Variants in EYA2 observed in about 807,000 individuals in gnomAD.
EYA2 encodes EYA transcriptional coactivator and phosphatase 2.
A neutral mutation model predicts 69.2 loss-of-function variants in EYA2; 31 were observed. The ratio of observed to expected loss-of-function variants is 0.45; its 90% CI spans 0.34 to 0.60. The LOEUF (loss-of-function observed/expected upper bound fraction) is 0.60, where lower values mean the gene tolerates loss of function less well. Ranked by LOEUF, EYA2 falls within the 20% of genes least tolerant of loss-of-function variation. The probability of loss-of-function intolerance (pLI) is 0.02; values close to 1 mark genes in which losing one functional copy is unlikely to be tolerated. For missense variants in EYA2, 622 were observed against 701.2 expected (o/e 0.89, Z 1.28); for synonymous variants, 257 against 279.4 (o/e 0.92, Z 0.80).
chr20:47,018,970 A>C (rs1983584157), intron 5 of EYA2, among the ~76,000 whole-genome samples: 1 of 152,222 alleles, frequency 6.6e-6, no homozygotes, highest in Admixed American at 6.5e-5. Flanking sequence ...TAATCTCCCC[A>C]GTAGCCCCGT....
At chr20:47,073,493 G>A (rs34596633) in intron 6 of EYA2, among the ~76,000 whole-genome samples, 53,552 of 148,236 alleles carry the variant, frequency 0.36, 10,466 homozygotes, top group African/African-American at 0.54. Context: ...TGTGTGTGTC[G>A]TGGGGGGGGG....
chr20:46,900,857 C>T (rs1984066095), intron 1 of EYA2, among the ~76,000 whole-genome samples: 2 of 152,030 alleles, frequency 1.3e-5, no homozygotes, highest in East Asian at 1.9e-4. Flanking sequence ...TGAGAAAACA[C>T]GGGGAATTCT....
At chr20:47,071,885 G>A in intron 5 of EYA2, 1 of 361,282 alleles carries the variant, frequency 2.8e-6, no homozygotes, top group Admixed American at 3.8e-5. Context: ...GACAGAGGAA[G>A]ATCCAGAGAC....
intron 2 of EYA2, among the ~76,000 whole-genome samples, chr20:46,994,253 G>C (rs1257610958): frequency 6.6e-6 from 1 of 152,158 alleles, no homozygotes; most frequent in Non-Finnish European, 1.5e-5. Flanking sequence ...TGCAGTCCTT[G>C]CCACAGTAAC....
chr20:47,031,838 T>G (rs1240825567), intron 5 of EYA2, among the ~76,000 whole-genome samples: 1 of 148,972 alleles, frequency 6.7e-6, no homozygotes. Context: ...GGAAGGGGAG[T>G]GGAATGAGAA....
chr20:47,183,447 G>A, intron 15 of EYA2, 56 bp downstream of exon 15: 2 of 1,498,148 alleles, frequency 1.3e-6, no homozygotes, highest in South Asian at 2.4e-5. Context: ...ACCCCTCGTG[G>A]TCTTCAAGGG....
intron 9 of EYA2, among the ~76,000 whole-genome samples, chr20:47,117,887 A>G (rs1008518631): frequency 5.3e-5 from 8 of 152,214 alleles, no homozygotes; most frequent in Admixed American, 3.3e-4. Flanking sequence ...CAAAGTGCTT[A>G]AGGACATCTG....
Position 47,106,216 on chromosome 20 carries a change from C to T in EYA2, c.888+9048C>T, listed in dbSNP as rs189979295. 3.2e-3 allele frequency among the ~76,000 whole-genome samples: 481 copies of T among 152,102 alleles called. 2 individuals carry two copies. The highest frequency in any genetic ancestry group is 0.011 in the African/African-American group (458 of 41,472). On this transcript the variant is annotated intron_variant, in intron 9 of 15. Coordinates refer to ENST00000327619, the MANE Select transcript of EYA2 (RefSeq NM_005244.5). ...CCACATTTTTCCTCTTGCCTCAGGC[C>T]CTGTGGCTTGGCCTGGAATGGCAAG... is the stretch of plus-strand genomic sequence containing the variant.
At position 47,097,212 on chromosome 20, in the gene EYA2, C is replaced by T. The variant is rs138869669; in HGVS notation, c.888+44C>T. ...TCTCTCTCTCTTTTTTTGTTTTCAA[C>T]GTTATTGTCCAGCCAGTTTGTCCTG... On this transcript the variant is annotated intron_variant, in intron 9 of 15. Transcript: ENST00000327619. 6.9e-6 allele frequency: 10 copies of T among 1,449,700 alleles called. No individual in the cohort carries two copies. The East Asian group carries it at 9.4e-5, about 14-fold the overall frequency. The allele number at this position is 1,449,700 out of a possible 1,614,324, so 89.8% of individuals were successfully genotyped here.
At position 47,081,896 on chromosome 20, in the gene EYA2, A is replaced by G. The variant is rs192690912; in HGVS notation, c.662-7343A>G. ...GATCTGTCGCCCAGGCTGGAGTGCG[A>G]TGGTGTGACCTTGGCTCACTGCAAC... On this transcript the variant is annotated intron_variant, in intron 7 of 15. Transcript: ENST00000327619. Among the ~76,000 whole-genome samples the G allele has an allele frequency of 7.3e-3, 1,111 of 151,472 alleles. 19 individuals carry two copies. The highest frequency in any genetic ancestry group is 0.026 in the African/African-American group (1,060 of 41,372).
At chr20:46,951,026 C>T (rs559157508) in intron 1 of EYA2, among the ~76,000 whole-genome samples, 1 of 152,264 alleles carries the variant, frequency 6.6e-6, no homozygotes, top group East Asian at 1.9e-4. Context: ...CTTTATACCC[C>T]ACATATGCCA....
At chr20:47,142,659 A>G (rs182947582) in intron 9 of EYA2, among the ~76,000 whole-genome samples, 1 of 152,258 alleles carries the variant, frequency 6.6e-6, no homozygotes, top group Non-Finnish European at 1.5e-5. Context: ...CCAGTAGTTT[A>G]TACTGAAATC....
intron 9 of EYA2, among the ~76,000 whole-genome samples, chr20:47,097,654 C>T (rs1352899442): frequency 6.6e-6 from 1 of 152,192 alleles, no homozygotes; most frequent in Non-Finnish European, 1.5e-5. Context: ...GTATCATCAA[C>T]AAATTATGTC....
intron 5 of EYA2, among the ~76,000 whole-genome samples, chr20:47,028,281 A>C (rs1441711769): frequency 6.6e-6 from 1 of 152,262 alleles, no homozygotes; most frequent in Non-Finnish European, 1.5e-5. Context: ...TCTGCTGTTT[A>C]AGCCACCTAG....
At chr20:47,102,930 C>A (rs1303710406) in intron 9 of EYA2, among the ~76,000 whole-genome samples, 1 of 152,152 alleles carries the variant, frequency 6.6e-6, no homozygotes, top group African/African-American at 2.4e-5. Flanking sequence ...GGTCAAGAGC[C>A]TTTGCCTGTG....
At chr20:47,088,194 A>G (rs896986613) in intron 7 of EYA2, among the ~76,000 whole-genome samples, 4 of 152,228 alleles carry the variant, frequency 2.6e-5, no homozygotes, top group African/African-American at 9.6e-5. Flanking sequence ...GGATCACGCC[A>G]TTGCACTCCA....
At chr20:46,948,727 G>C (rs2146271880) in intron 1 of EYA2, among the ~76,000 whole-genome samples, 1 of 152,282 alleles carries the variant, frequency 6.6e-6, no homozygotes, top group East Asian at 1.9e-4. Flanking sequence ...ACACATTATT[G>C]TTTAATTCGT....
At chr20:46,916,844 T>G (rs1019598388) in intron 1 of EYA2, among the ~76,000 whole-genome samples, 2 of 152,200 alleles carry the variant, frequency 1.3e-5, no homozygotes, top group African/African-American at 4.8e-5. Flanking sequence ...ATATGAAGAT[T>G]ATCTCTCTAC....
At chr20:46,917,316 C>A (rs1410196677) in intron 1 of EYA2, among the ~76,000 whole-genome samples, 1 of 152,166 alleles carries the variant, frequency 6.6e-6, no homozygotes, top group East Asian at 1.9e-4. Flanking sequence ...GCACAGACTC[C>A]CTGCCAAGAG....
Sources: allele counts gnomAD v4.1 joint callset (sites outside exome capture counted in the v4.1 genomes callset), GRCh38; gene constraint gnomAD v4.1.1; transcripts MANE v1.5; gene names NCBI Gene and HGNC (gene_info 2026-07-23, HGNC 2026-07-21).